The following LRP4 variants were observed in gnomAD, a reference collection of about 807,000 sequenced individuals.
The protein encoded by LRP4 is low-density lipoprotein receptor-related protein 4.
A neutral mutation model predicts 220.3 loss-of-function variants in LRP4; 95 were observed. The observed-to-expected ratio is 0.43, with a 90% CI of 0.37 to 0.51. The LOEUF is 0.51. Ranked by LOEUF, LRP4 falls within the 20% of genes least tolerant of loss-of-function variation. The probability of loss-of-function intolerance (pLI) is 0.00; values close to 1 mark genes in which losing one functional copy is unlikely to be tolerated. For synonymous variants in LRP4, 903 were observed against 954.6 expected (o/e 0.95, Z 1.00); for missense variants, 1,925 against 2,567.0 (o/e 0.75, Z 5.40).
chr11:46,906,167 C>T (rs1941756551), intron 1 of LRP4, among the ~76,000 whole-genome samples: 1 of 152,182 alleles, frequency 6.6e-6, no homozygotes, highest in South Asian at 2.1e-4. Context: ...GTAAAAAAGC[C>T]ACAAGGGGCT....
At chr11:46,862,545 G>A in intron 37 of LRP4, 61 bp downstream of exon 37, 1 of 1,556,112 alleles carries the variant, frequency 6.4e-7, no homozygotes, top group East Asian at 2.2e-5. Context: ...TGGGCATTTG[G>A]AGTAAAATCC....
In LRP4 at chr11:46,858,439, T is replaced by C. The variant is rs7950924; in HGVS notation, c.*544A>G. 1 allele frequency: 181,901 copies of C among 182,774 alleles called. 90,521 individuals are homozygous for C. Among genetic ancestry groups the C allele is most frequent in the Middle Eastern group, 1 (386 of 386 alleles). The allele number at this position is 182,774 out of a possible 1,614,324, so 11.3% of individuals were successfully genotyped here. On this transcript the variant is annotated 3_prime_UTR_variant, in exon 38 of 38. Coordinates refer to ENST00000378623, the MANE Select transcript of LRP4 (RefSeq NM_002334.4). ...ACCCCCCAAAGCTTTTTCATGTTAC[T>C]AACACACTTGAGGCTGGAGGTTTCC...
chr11:46,859,354 C>T (rs1006098722), intron 37 of LRP4, 39 bp from the exon 38 acceptor site: 1 of 1,484,486 alleles, frequency 6.7e-7, no homozygotes, highest in African/African-American at 1.4e-5. Context: ...AGTCAGTTGG[C>T]CTTCTACAAA....
chr11:46,862,228 T>A (rs562326471), intron 37 of LRP4, among the ~76,000 whole-genome samples: 38 of 152,256 alleles, frequency 2.5e-4, no homozygotes, highest in African/African-American at 8.2e-4. Flanking sequence ...CAGGAGCTCT[T>A]GGGTTTTTTG....
intron 11 of LRP4, 84 bp downstream of exon 11, chr11:46,895,082 C>T: frequency 6.3e-7 from 1 of 1,583,986 alleles, no homozygotes; most frequent in Non-Finnish European, 8.6e-7. Context: ...CTCTACCTCT[C>T]TGCAAATCCC....
chr11:46,882,213 G>A (rs1941178567), intron 19 of LRP4, among the ~76,000 whole-genome samples: 1 of 152,140 alleles, frequency 6.6e-6, no homozygotes, highest in Non-Finnish European at 1.5e-5. Context: ...TTGGCCAGGC[G>A]CCATGGTTCA....
At position 46,880,642 on chromosome 11, in the gene LRP4, T is replaced by G. The variant is rs1245742990; in HGVS notation, c.2814+1060A>C. ...TAAAAATAAATAAATAAATAAAAAT[T>G]AAAAGAGACGTAATTACTAAACACA... is the stretch of plus-strand genomic sequence containing the variant. On this transcript the variant is annotated intron_variant, in intron 20 of 37. Coordinates refer to ENST00000378623, the MANE Select transcript of LRP4 (RefSeq NM_002334.4). Among the ~76,000 whole-genome samples the G allele has an allele frequency of 2.0e-5, 3 of 151,454 alleles. No individual in the cohort carries two copies. In the East Asian group the frequency reaches 5.8e-4, roughly 29 times the overall value.
At chr11:46,901,098 C>CTT (rs1161206229) in intron 2 of LRP4, among the ~76,000 whole-genome samples, 1 of 152,146 alleles carries the variant, frequency 6.6e-6, no homozygotes, top group Non-Finnish European at 1.5e-5. Flanking sequence ...ACCCAGCCCC[C>CTT]TTGTCTGTTT....
intron 34 of LRP4, 83 bp downstream of exon 34, chr11:46,867,896 C>A (rs1940745873): frequency 6.5e-7 from 1 of 1,541,640 alleles, no homozygotes; most frequent in East Asian, 2.3e-5. Context: ...CTCCCAACTG[C>A]CTTATCAAGC....
chr11:46,864,617 G>T, intron 35 of LRP4, 82 bp from the exon 36 acceptor site: 3 of 970,660 alleles, frequency 3.1e-6, no homozygotes, highest in Non-Finnish European at 5.0e-6. Flanking sequence ...AAGCTGAAAG[G>T]CTCCTTTTGT....
Position 46,892,982 on chromosome 11 carries a change from G to A in LRP4, c.1688C>T (p.Pro563Leu), listed in dbSNP as rs1309368502. Residue 563 changes from proline (P) to leucine (L), a missense_variant, in exon 13 of 38, where the codon CCC becomes CTC. Physicochemically the swap from Pro to Leu is moderately conservative, Grantham distance 98 (BLOSUM62 -3). Around this residue, in one of 3 missense-constraint regions of LRP4, gnomAD observed 269 missense variants for 436.7 expected, o/e 0.62. Coordinates refer to ENST00000378623, the MANE Select transcript of LRP4 (RefSeq NM_002334.4). ...LEKPRAIALH[P>L]MEGTIYWTDW... ...CTGAGATACAACTTACCCCTCCATG[G>A]GATGCAAGGCAATGGCCCGGGGCTT... The A allele has an allele frequency of 6.2e-7, 1 of 1,613,274 alleles. No individual in the cohort carries two copies. Among genetic ancestry groups the A allele is most frequent in the Non-Finnish European group, 8.5e-7 (1 of 1,179,942 alleles).
rs1208569811 is a variant in LRP4 at position 46,899,393 on chromosome 11, T to C, written c.541A>G (p.Asn181Asp). The C allele has an allele frequency of 1.2e-6, 2 of 1,613,066 alleles. No homozygotes were observed. The highest frequency in any genetic ancestry group is 2.7e-5 in the African/African-American group (2 of 74,896). ...TDCKDGSDEENCPSAVPAPPC... is the reference protein window; with the variant it reads ...TDCKDGSDEEDCPSAVPAPPC... ...GAGGTCTGGGGCCACTCACGACAGT[T>C]CTCCTCATCGGAGCCATCTTTGCAG... The change falls in exon 5 of 38, where the codon AAC (asparagine) becomes GAC (aspartate). Residue 181 changes from asparagine (N) to aspartate (D), a missense_variant. This residue lies in a region of LRP4 where 412 missense variants were observed against 505.4 expected (regional missense o/e 0.82). Coordinates refer to ENST00000378623, the MANE Select transcript of LRP4 (RefSeq NM_002334.4). This position sits in a 1 kb window ranked among gnomAD's most constrained non-coding sequence, Gnocchi z 5.9.
chr11:46,886,527 T>A lies in LRP4; in HGVS notation c.2222A>T (p.Asp741Val), dbSNP rs753484127. ...ISSHACAQSL[D>V]KFLLFARRMD... Reference sequence around the variant, plus strand: ...CCTTCGGGCAAAAAGCAGGAACTTGTCAAGACCTGATCAAAGGCCGAAAGG... The same window carrying A: ...CCTTCGGGCAAAAAGCAGGAACTTGACAAGACCTGATCAAAGGCCGAAAGG... The change falls in exon 17 of 38, where the codon GAC becomes GTC. Residue 741 changes from aspartate to valine, a missense_variant. By Grantham distance (152) the Asp-to-Val change is radical. Coordinates refer to ENST00000378623, the MANE Select transcript of LRP4 (RefSeq NM_002334.4). 6 of 1,613,932 alleles carry A rather than the reference T, an allele frequency of 3.7e-6. No homozygotes were observed. Among genetic ancestry groups the A allele is most frequent in the Non-Finnish European group, 5.1e-6 (6 of 1,179,982 alleles).
chr11:46,868,361 A>C (rs764451575), intron 33 of LRP4, among the ~76,000 whole-genome samples: 2 of 152,242 alleles, frequency 1.3e-5, no homozygotes, highest in Non-Finnish European at 2.9e-5. Flanking sequence ...ATTATCCCAC[A>C]GCAGGGACCT....
In LRP4 at chr11:46,862,665, C is replaced by G; in HGVS notation, c.5326G>C (p.Val1776Leu). ...GGTTTGGGGATTGCTTCAATCTTCA[C>G]TTCCTGTGTGGATGTTCGGTAGGAG... is the stretch of plus-strand genomic sequence containing the variant. Reference protein sequence around the residue: ...NPSYRTSTQEVKIEAIPKPAM... With the variant: ...NPSYRTSTQELKIEAIPKPAM... Residue 1776 changes from valine (V) to leucine (L), a missense_variant, in exon 37 of 38, where the codon GTG becomes CTG. Physicochemically the swap from Val to Leu is conservative, Grantham distance 32. Coordinates refer to ENST00000378623, the MANE Select transcript of LRP4 (RefSeq NM_002334.4). 1 of 1,614,086 alleles carries G rather than the reference C, an allele frequency of 6.2e-7. No individual in the cohort carries two copies. Among genetic ancestry groups the G allele is most frequent in the Non-Finnish European group, 8.5e-7 (1 of 1,179,950 alleles).
In LRP4 at chr11:46,858,951, G is replaced by C. The variant is rs376335376; in HGVS notation, c.*32C>G. ...GGACTAGACGTCCATAAAGGAGAAG[G>C]AACAGGCAGGCAGGGAAGAGAATGT... On this transcript the variant is annotated 3_prime_UTR_variant, in exon 38 of 38. Transcript: ENST00000378623. 53 of 1,600,902 alleles carry C rather than the reference G, an allele frequency of 3.3e-5. No individual in the cohort carries two copies. The highest frequency in any genetic ancestry group is 1.9e-4 in the Middle Eastern group (1 of 5,298).
chr11:46,894,597 T>G lies in LRP4; in HGVS notation c.1532A>C (p.Glu511Ala), dbSNP rs568013477. 16 of 1,604,188 alleles carry G rather than the reference T, an allele frequency of 1.0e-5. No individual in the cohort carries two copies. In the South Asian group the frequency reaches 1.7e-4, roughly 17 times the overall value. ...NVEEVVSTGL[E>A]SPGGLAVDWV... is the part of the protein sequence containing the mutation. ...GGGGCCTTGTTCCCTACCTGGGCTC[T>G]CCAGCCCAGTAGACACAACCTCCTC... The change falls in exon 12 of 38, where the codon GAG becomes GCG. Residue 511 changes from glutamate to alanine, a missense_variant. By Grantham distance (107) the Glu-to-Ala change is moderately radical. This residue lies in a region of LRP4 where 269 missense variants were observed against 436.7 expected (regional missense o/e 0.62). Transcript: ENST00000378623.
At chr11:46,869,345 C>T (rs1229521157) in intron 31 of LRP4, among the ~76,000 whole-genome samples, 1 of 152,174 alleles carries the variant, frequency 6.6e-6, no homozygotes, top group Non-Finnish European at 1.5e-5. Flanking sequence ...TACAGTTCTG[C>T]ACCTTATAGT....
In LRP4 at chr11:46,900,370, T is replaced by C. The variant is rs772646348; in HGVS notation, c.208A>G (p.Thr70Ala). The C allele has an allele frequency of 6.3e-7, 1 of 1,597,892 alleles. No homozygotes were observed. The highest frequency in any genetic ancestry group is 8.6e-7 in the Non-Finnish European group (1 of 1,165,262). The change falls in exon 3 of 38, where the codon ACC (threonine) becomes GCC (alanine). Residue 70 changes from threonine (T) to alanine (A), a missense_variant. Around this residue, in one of 3 missense-constraint regions of LRP4, gnomAD observed 412 missense variants for 505.4 expected, o/e 0.82. Transcript: ENST00000378623. ...HSDEDGCILP[T>A]CSPLDFHCDN... ...CAGTGAAAGTCAAGAGGGGAACAGG[T>C]AGGTAGTACTGAATCCCAGGAAAAG...
Sources: gnomAD v4.1 joint callset for allele counts (sites outside exome capture counted in the v4.1 genomes callset) on GRCh38, gnomAD v4.1.1 for gene constraint, gnomAD v4.1.1 regional missense constraint, Gnocchi (gnomAD v3.1) non-coding constraint, MANE v1.5 for transcripts, NCBI Gene and HGNC (gene_info 2026-07-23, HGNC 2026-07-21) for gene names.